Variants in FRMD4A observed in about 807,000 individuals in gnomAD.
FRMD4A encodes the protein FERM domain containing 4A, also known as FERM domain-containing protein 4A.
FRMD4A carries 29 observed loss-of-function variants against 129.1 expected under a neutral mutation model. The observed-to-expected ratio is 0.22, with a 90% confidence interval of 0.17 to 0.31. FRMD4A has a LOEUF of 0.31. Among genes scored for constraint, FRMD4A ranks in the 10% least tolerant of loss-of-function variants. The pLI, the probability that FRMD4A is intolerant of heterozygous loss-of-function variation, is 1.00. For missense variants in FRMD4A, 1,272 were observed against 1,375.8 expected (o/e 0.92, Z 1.19); for synonymous variants, 634 against 571.6 (o/e 1.11, Z -1.56).
intron 3 of FRMD4A, among the ~76,000 whole-genome samples, chr10:13,843,642 C>A (rs933963771): frequency 6.6e-6 from 1 of 152,100 alleles, no homozygotes; most frequent in Non-Finnish European, 1.5e-5. Context: ...GAATTAGAGG[C>A]GGCCACCACC....
intron 13 of FRMD4A, among the ~76,000 whole-genome samples, chr10:13,702,895 G>T (rs2086987988): frequency 7.9e-6 from 1 of 126,766 alleles, no homozygotes; most frequent in Non-Finnish European, 1.6e-5. Context: ...TCTCCCTTCG[G>T]TTCCAACAAA....
chr10:14,069,406 A>T (rs1053481055), intron 2 of FRMD4A, among the ~76,000 whole-genome samples: 3 of 152,164 alleles, frequency 2.0e-5, no homozygotes, highest in Admixed American at 2.0e-4. Context: ...GCTTGTGTAC[A>T]TATGCATATT....
At chr10:13,896,876 C>T (rs1055609510) in intron 2 of FRMD4A, among the ~76,000 whole-genome samples, 4 of 152,122 alleles carry the variant, frequency 2.6e-5, no homozygotes, top group East Asian at 1.9e-4. Context: ...GAAGAGCAGC[C>T]GATTCTACCA....
intron 2 of FRMD4A, among the ~76,000 whole-genome samples, chr10:13,895,545 G>A (rs908591436): frequency 3.3e-5 from 5 of 152,254 alleles, no homozygotes; most frequent in Admixed American, 1.3e-4. Flanking sequence ...GTGCTTGGGG[G>A]CCTGGACTGG....
intron 2 of FRMD4A, among the ~76,000 whole-genome samples, chr10:14,032,600 A>G (rs904386844): frequency 2.0e-5 from 3 of 152,138 alleles, no homozygotes; most frequent in Admixed American, 1.3e-4. Context: ...CGTTGCCACC[A>G]CTTCCAGTGA....
chr10:13,908,493 C>T (rs2094906731), intron 2 of FRMD4A, among the ~76,000 whole-genome samples: 1 of 152,230 alleles, frequency 6.6e-6, no homozygotes, highest in Non-Finnish European at 1.5e-5. Context: ...ATTTTCCATT[C>T]AACATCACAT....
At chr10:14,001,991 C>T (rs1461202831) in intron 2 of FRMD4A, among the ~76,000 whole-genome samples, 18 of 152,312 alleles carry the variant, frequency 1.2e-4, no homozygotes, top group Non-Finnish European at 8.8e-5. Context: ...ATTCCGAATT[C>T]TTAAGTTATG....
chr10:14,235,332 T>G (rs536490175), intron 2 of FRMD4A, among the ~76,000 whole-genome samples: 1 of 149,372 alleles, frequency 6.7e-6, no homozygotes, highest in African/African-American at 2.5e-5. Flanking sequence ...CTATTTTTAG[T>G]AGAGACGGGG....
intron 2 of FRMD4A, among the ~76,000 whole-genome samples, chr10:14,115,535 T>G (rs528312107): frequency 6.6e-6 from 1 of 152,184 alleles, no homozygotes; most frequent in Non-Finnish European, 1.5e-5. Flanking sequence ...TTTAATCTCA[T>G]GTGGAAATGT....
chr10:13,768,346 G>T (rs1259168853), intron 6 of FRMD4A, among the ~76,000 whole-genome samples: 2 of 152,258 alleles, frequency 1.3e-5, no homozygotes, highest in South Asian at 4.2e-4. Flanking sequence ...GAGAGCCGGA[G>T]GGCCTCTTTG....
At chr10:13,889,422 C>G (rs1047264357) in intron 2 of FRMD4A, among the ~76,000 whole-genome samples, 2 of 152,162 alleles carry the variant, frequency 1.3e-5, no homozygotes, top group African/African-American at 4.8e-5. Context: ...ACAATAACAT[C>G]GAGAGCTGTG....
intron 2 of FRMD4A, chr10:14,074,297 A>G (rs1320784518): frequency 3.9e-5 from 6 of 152,232 alleles, no homozygotes; most frequent in African/African-American, 1.4e-4. Context: ...GGCACGACCC[A>G]GGTTCCATGC....
At chr10:13,678,748 G>C (rs763656292) in intron 15 of FRMD4A, among the ~76,000 whole-genome samples, 1 of 152,180 alleles carries the variant, frequency 6.6e-6, no homozygotes. Context: ...CTTTAGAAAG[G>C]AACAATACGA....
chr10:13,888,301 A>G (rs1049156744), intron 2 of FRMD4A, among the ~76,000 whole-genome samples: 3 of 152,080 alleles, frequency 2.0e-5, no homozygotes, highest in Admixed American at 6.5e-5. Flanking sequence ...ATATCTACAT[A>G]CCCTCCACAA....
At chr10:14,310,503 C>T (rs1231884297) in intron 2 of FRMD4A, among the ~76,000 whole-genome samples, 5 of 152,218 alleles carry the variant, frequency 3.3e-5, no homozygotes, top group Non-Finnish European at 7.3e-5. Flanking sequence ...CGGGTGAATG[C>T]TGGCCGCTGT....
At chr10:13,824,820 G>A (rs7897964) in intron 3 of FRMD4A, among the ~76,000 whole-genome samples, 16,951 of 150,748 alleles carry the variant, frequency 0.11, 1,096 homozygotes, top group South Asian at 0.25. Flanking sequence ...GCTTGAACCC[G>A]GGAGGCAGAG....
chr10:14,227,066 G>A (rs573238812), intron 2 of FRMD4A, among the ~76,000 whole-genome samples: 2 of 152,078 alleles, frequency 1.3e-5, no homozygotes, highest in Non-Finnish European at 2.9e-5. Context: ...CCCCACGAGG[G>A]CTGCACATGC....
chr10:14,255,401 G>T (rs1311371501), intron 2 of FRMD4A, among the ~76,000 whole-genome samples: 1 of 152,126 alleles, frequency 6.6e-6, no homozygotes, highest in Non-Finnish European at 1.5e-5. Context: ...GATAGAAACT[G>T]GTAACAGGAC....
chr10:13,657,353 C>G lies in FRMD4A; in HGVS notation c.2236G>C (p.Asp746His). Residue 746 changes from aspartate (D) to histidine (H), a missense_variant, in exon 22 of 25, where the codon GAC becomes CAC. By Grantham distance (81) the Asp-to-His change is moderately conservative. Coordinates refer to ENST00000357447, the MANE Select transcript of FRMD4A (RefSeq NM_018027.5). ...RSSNGSDPMD[D>H]CSSCTSHSSS... ...GAGTGGCTGGTGCACGACGAGCAGT[C>G]GTCCATGGGGTCTGAGCCGTTGCTG... 6.2e-7 allele frequency: 1 copy of G among 1,610,798 alleles called. No homozygotes were observed. Among genetic ancestry groups the G allele is most frequent in the Non-Finnish European group, 8.5e-7 (1 of 1,179,500 alleles).
Sources: allele counts gnomAD v4.1 joint callset (sites outside exome capture counted in the v4.1 genomes callset), GRCh38; gene constraint gnomAD v4.1.1; transcripts MANE v1.5; gene names NCBI Gene and HGNC (gene_info 2026-07-23, HGNC 2026-07-21).